Variants in POFUT1 observed in about 807,000 individuals in gnomAD.
POFUT1 encodes GDP-fucose protein O-fucosyltransferase 1.
POFUT1 carries 16 observed loss-of-function variants against 42.4 expected under a neutral mutation model. The ratio of observed to expected loss-of-function variants is 0.38; its 90% CI spans 0.26 to 0.57. The LOEUF (loss-of-function observed/expected upper bound fraction) is 0.57. Among genes scored for constraint, POFUT1 ranks in the 20% least tolerant of loss-of-function variants. The probability of loss-of-function intolerance (pLI) is 0.71; values close to 1 mark genes in which losing one functional copy is unlikely to be tolerated. For synonymous variants in POFUT1, 206 were observed against 205.4 expected, an observed-to-expected ratio of 1.00 and a Z score of -0.03; for missense variants, 470 against 504.6, an observed-to-expected ratio of 0.93 and a Z score of 0.66.
chr20:32,234,373 G>A, intron 6 of POFUT1, 100 bp from the exon 7 acceptor site: 5 of 1,104,942 alleles, frequency 4.5e-6, no homozygotes, highest in Non-Finnish European at 6.5e-6. Context: ...CCCTCCTTTT[G>A]TGTCTGTAAC....
At chr20:32,222,524 C>A in intron 4 of POFUT1, 2 of 829,194 alleles carry the variant, frequency 2.4e-6, no homozygotes, top group Non-Finnish European at 2.9e-6. Context: ...TACGAGGGCA[C>A]ATGGGCCATA....
At chr20:32,226,289 G>C (rs1217248996) in intron 4 of POFUT1, among the ~76,000 whole-genome samples, 1 of 152,166 alleles carries the variant, frequency 6.6e-6, no homozygotes, top group African/African-American at 2.4e-5. Flanking sequence ...GCAGTTGTAA[G>C]AAATAAGACA....
Position 32,237,788 on chromosome 20 carries a change from G to A in POFUT1, c.*3127G>A, listed in dbSNP as rs780630655. Reference sequence around the variant, plus strand: ...CCAGTGCAGGGCTGTTAACAGGGTTGCAGGCGAGAGACTGGGGTGCTGGGC... The same window carrying A: ...CCAGTGCAGGGCTGTTAACAGGGTTACAGGCGAGAGACTGGGGTGCTGGGC... On this transcript the variant is annotated 3_prime_UTR_variant, in exon 7 of 7. Transcript: ENST00000375749. The A allele has an allele frequency of 1.9e-6, 1 of 534,746 alleles. No individual in the cohort carries two copies. 33.1% of individuals were successfully genotyped at this position (534,746 alleles called of 1,614,324 possible).
chr20:32,215,424 C>A lies in POFUT1; in HGVS notation c.402C>A (p.Ser134Arg), dbSNP rs746795917. 48 of 1,612,696 alleles carry A rather than the reference C, an allele frequency of 3.0e-5. No homozygotes were observed. Among genetic ancestry groups the A allele is most frequent in the Non-Finnish European group, 2.9e-5 (34 of 1,179,138 alleles). Residue 134 changes from serine (S) to arginine (R), a missense_variant, in exon 3 of 7, where the codon AGC (serine) becomes AGA (arginine). Physicochemically the swap from Ser to Arg is moderately radical, Grantham distance 110. Coordinates refer to ENST00000375749, the MANE Select transcript of POFUT1 (RefSeq NM_015352.2). Reference sequence around the variant, plus strand: ...GCTTTGAGGTGGCAGCCCAGCGAAGCCCAGATAAGAAGACGTGCCCCATGA... The same window carrying A: ...GCTTTGAGGTGGCAGCCCAGCGAAGACCAGATAAGAAGACGTGCCCCATGA... ...AYCFEVAAQR[S>R]PDKKTCPMKE... is the part of the protein sequence containing the mutation.
At chr20:32,217,123 C>T (rs893898959) in intron 4 of POFUT1, 111 of 1,592,076 alleles carry the variant, frequency 7.0e-5, no homozygotes, top group Non-Finnish European at 8.6e-5. Context: ...AATTATTGGA[C>T]GTGTTTATTA....
chr20:32,216,575 C>A (rs1452621487), intron 3 of POFUT1, 34 bp from the exon 4 acceptor site: 1 of 1,374,166 alleles, frequency 7.3e-7, no homozygotes, highest in East Asian at 2.3e-5. Context: ...TTTCCCTCCC[C>A]ATCAGTAAGC....
Position 32,234,731 on chromosome 20 carries a change from CT to C in POFUT1, c.*71del. On this transcript the variant is annotated 3_prime_UTR_variant, in exon 7 of 7. Coordinates refer to ENST00000375749, the MANE Select transcript of POFUT1 (RefSeq NM_015352.2). ...TCTGAGCTGGTCCTTCCAGCCAGGC[CT>C]GGCAGCCAGAGGTGCTCCGGGATTG... 7.1e-7 allele frequency: 1 copy of C among 1,406,778 alleles called. No homozygotes were observed. The highest frequency in any genetic ancestry group is 9.6e-7 in the Non-Finnish European group (1 of 1,038,656). The allele number at this position is 1,406,778 out of a possible 1,614,324, so 87.1% of individuals were successfully genotyped here.
chr20:32,216,617 C>T lies in POFUT1; in HGVS notation c.438C>T (p.Asn146=), dbSNP rs2047361805. The change falls in exon 4 of 7, where the codon AAC becomes AAT. Residue 146 remains asparagine (N), a synonymous_variant. Transcript: ENST00000375749. ...CCACTCTCTTTCTGCAGGAAGGAAA[C>T]CCCTTTGGCCCATTCTGGGATCAGT... ...DKKTCPMKEG[N]PFGPFWDQFH... 1 of 1,610,116 alleles carries T rather than the reference C, an allele frequency of 6.2e-7. No homozygotes were observed. The highest frequency in any genetic ancestry group is 1.1e-5 in the South Asian group (1 of 90,992).
chr20:32,232,555 G>T lies in POFUT1; in HGVS notation c.978+1494G>T, dbSNP rs540110386. On this transcript the variant is annotated intron_variant, in intron 6 of 6. Transcript: ENST00000375749. ...GGGGATTTTGGCCATGATTAAACTG[G>T]TATTATTTCTTTGCTACAATCCAGA... Among the ~76,000 whole-genome samples, 28 of 152,216 alleles carry T rather than the reference G, an allele frequency of 1.8e-4. No homozygotes were observed. In the South Asian group the frequency reaches 5.6e-3, roughly 30 times the overall value.
At position 32,207,909 on chromosome 20, in the gene POFUT1, T is replaced by C; in HGVS notation, c.-33T>C. On this transcript the variant is annotated 5_prime_UTR_variant, in exon 1 of 7. Coordinates refer to ENST00000375749, the MANE Select transcript of POFUT1 (RefSeq NM_015352.2). ...GCGTCCCTCCTTCCCTCCCCGACTG[T>C]GCGCCGCGGCTGGCTCGGGTTCCCG... is the stretch of plus-strand genomic sequence containing the variant. The C allele has an allele frequency of 1.3e-6, 2 of 1,562,774 alleles. No homozygotes were observed. The highest frequency in any genetic ancestry group is 1.7e-6 in the Non-Finnish European group (2 of 1,162,994).
chr20:32,211,464 G>T (rs912316897), intron 2 of POFUT1, among the ~76,000 whole-genome samples: 1 of 152,094 alleles, frequency 6.6e-6, no homozygotes, highest in African/African-American at 2.4e-5. Context: ...TAGAGACAGG[G>T]TTTCACCATG....
intron 4 of POFUT1, among the ~76,000 whole-genome samples, chr20:32,218,939 T>C (rs1442785736): frequency 6.6e-6 from 1 of 152,206 alleles, no homozygotes; most frequent in Non-Finnish European, 1.5e-5. Flanking sequence ...GTTTGTGCCT[T>C]ACAGCCAAGT....
rs62207416 is a variant in POFUT1, at chr20:32,208,224, A to G, written c.124+159A>G. 4.1e-3 allele frequency among the ~76,000 whole-genome samples: 619 copies of G among 152,304 alleles called. 1 individual carries two copies. Among genetic ancestry groups the G allele is most frequent in the Middle Eastern group, 0.017 (5 of 294 alleles). Reference sequence around the variant, plus strand: ...TCCTCTCTGCCTTAGTTGCAAGGGCACAGAGGGGCCAACGTGTCCAACTTT... The same window carrying G: ...TCCTCTCTGCCTTAGTTGCAAGGGCGCAGAGGGGCCAACGTGTCCAACTTT... On this transcript the variant is annotated intron_variant, in intron 1 of 6. Coordinates refer to ENST00000375749, the MANE Select transcript of POFUT1 (RefSeq NM_015352.2).
At chr20:32,208,624 G>A (rs1052878291) in intron 1 of POFUT1, among the ~76,000 whole-genome samples, 3 of 136,554 alleles carry the variant, frequency 2.2e-5, no homozygotes, top group Admixed American at 8.3e-5. Flanking sequence ...GATCAGCCTA[G>A]GCAACATAGT....
chr20:32,237,192 C>T lies in POFUT1; in HGVS notation c.*2531C>T, dbSNP rs766974733. 6.5e-6 allele frequency: 1 copy of T among 152,768 alleles called. No homozygotes were observed. The highest frequency in any genetic ancestry group is 1.5e-5 in the Non-Finnish European group (1 of 68,460). 9.5% of individuals were successfully genotyped at this position (152,768 alleles called of 1,614,324 possible). A position where few individuals can be genotyped will look rare whatever the true frequency, so the allele number is the denominator to read the frequency against. On this transcript the variant is annotated 3_prime_UTR_variant, in exon 7 of 7. Transcript: ENST00000375749. ...TTGCTCAGTACAACAGTCTTGCATT[C>T]AGCAGGTGTTTGTTCATCACCTACT... is the stretch of plus-strand genomic sequence containing the variant.
intron 4 of POFUT1, chr20:32,217,250 G>T: frequency 7.2e-7 from 1 of 1,389,786 alleles, no homozygotes; most frequent in Non-Finnish European, 9.3e-7. Flanking sequence ...AGAGGCCAAT[G>T]GTGATGTGTG....
chr20:32,215,293 T>G lies in POFUT1; in HGVS notation c.271T>G (p.Phe91Val). The G allele has an allele frequency of 6.2e-7, 1 of 1,612,818 alleles. No homozygotes were observed. The highest frequency in any genetic ancestry group is 8.5e-7 in the Non-Finnish European group (1 of 1,178,890). ...GCTCCATGTGTCCTACCAGAAGTAC[T>G]TCAAGCTGGAGCCCCTCCAGGCTTA... Reference protein sequence around the residue: ...TNLHVSYQKYFKLEPLQAYHR... With the variant: ...TNLHVSYQKYVKLEPLQAYHR... The change falls in exon 3 of 7, where the codon TTC becomes GTC. Residue 91 changes from phenylalanine to valine, a missense_variant. Transcript: ENST00000375749.
chr20:32,211,639 G>T (rs1295130617), intron 2 of POFUT1, among the ~76,000 whole-genome samples: 2 of 152,224 alleles, frequency 1.3e-5, no homozygotes, highest in East Asian at 3.9e-4. Flanking sequence ...CTGTCTCCTT[G>T]CCTTCTCAGC....
At chr20:32,213,446 A>T (rs1036940391) in intron 2 of POFUT1, among the ~76,000 whole-genome samples, 3 of 147,962 alleles carry the variant, frequency 2.0e-5, no homozygotes, top group African/African-American at 7.5e-5. Flanking sequence ...ACAGAGCAAG[A>T]CTCCATCTCA....
Sources: gnomAD v4.1 joint callset for allele counts (sites outside exome capture counted in the v4.1 genomes callset) on GRCh38, gnomAD v4.1.1 for gene constraint, MANE v1.5 for transcripts, NCBI Gene and HGNC (gene_info 2026-07-23, HGNC 2026-07-21) for gene names.